GRM8: variants seen among roughly 807,000 people sequenced by gnomAD.
GRM8 encodes glutamate metabotropic receptor 8, also known as metabotropic glutamate receptor 8.
In GRM8, 47 loss-of-function variants were observed where a neutral mutation model predicts 87.2. That is an observed-to-expected ratio of 0.54 (90% CI 0.43 to 0.69). The LOEUF (loss-of-function observed/expected upper bound fraction) is 0.69. Ranked by LOEUF, GRM8 falls within the 30% of genes least tolerant of loss-of-function variation. The probability of loss-of-function intolerance (pLI) is 0.00; values close to 1 mark genes in which losing one functional copy is unlikely to be tolerated. For missense variants in GRM8, 1,019 were observed against 1,139.2 expected (o/e 0.89, Z 1.52); for synonymous variants, 396 against 404.5 (o/e 0.98, Z 0.25).
intron 8 of GRM8, among the ~76,000 whole-genome samples, chr7:126,590,986 T>C (rs1796617487): frequency 6.6e-6 from 1 of 151,816 alleles, no homozygotes; most frequent in Non-Finnish European, 1.5e-5. Context: ...TAAAAAAAGG[T>C]ATTTAGGCAA....
intron 3 of GRM8, among the ~76,000 whole-genome samples, chr7:127,087,323 T>C (rs138456406): frequency 6.6e-6 from 1 of 152,214 alleles, no homozygotes; most frequent in Non-Finnish European, 1.5e-5. Context: ...AGACTTTTCA[T>C]ATATTTAGAA....
chr7:127,132,806 A>G (rs1011043033), intron 2 of GRM8, among the ~76,000 whole-genome samples: 1 of 152,116 alleles, frequency 6.6e-6, no homozygotes, highest in Non-Finnish European at 1.5e-5. Context: ...CTGTGGCTAG[A>G]GTGGATGAAC....
intron 8 of GRM8, among the ~76,000 whole-genome samples, chr7:126,536,001 C>T (rs1335231691): frequency 1.3e-5 from 2 of 152,188 alleles, no homozygotes; most frequent in Admixed American, 6.5e-5. Flanking sequence ...TTCTGATTTA[C>T]GGAAATGTTG....
At chr7:126,645,012 G>A (rs1379581080) in intron 7 of GRM8, among the ~76,000 whole-genome samples, 1 of 152,212 alleles carries the variant, frequency 6.6e-6, no homozygotes, top group Non-Finnish European at 1.5e-5. Flanking sequence ...GGTGTCCTTG[G>A]TCATTCCCGG....
chr7:127,073,023 TCA>T (rs1390112273), intron 3 of GRM8, among the ~76,000 whole-genome samples: 2 of 151,404 alleles, frequency 1.3e-5, no homozygotes, highest in Admixed American at 6.6e-5. Context: ...GGAAAAACTC[TCA>T]GAGGAGGGGA....
At chr7:126,868,352 C>A (rs1378637033) in intron 6 of GRM8, among the ~76,000 whole-genome samples, 1 of 152,242 alleles carries the variant, frequency 6.6e-6, no homozygotes, top group Non-Finnish European at 1.5e-5. Flanking sequence ...GTGCAGATCA[C>A]AGATCTGAGG....
At chr7:126,872,028 C>A (rs1265873553) in intron 6 of GRM8, among the ~76,000 whole-genome samples, 2 of 152,086 alleles carry the variant, frequency 1.3e-5, no homozygotes, top group African/African-American at 4.8e-5. Context: ...ATTGCCAGCC[C>A]ACACCCAGGG....
intron 6 of GRM8, among the ~76,000 whole-genome samples, chr7:126,883,354 C>T (rs563042704): frequency 5.3e-5 from 8 of 152,144 alleles, no homozygotes; most frequent in East Asian, 1.9e-4. Context: ...ACAAATAAAA[C>T]GACATGCATA....
intron 7 of GRM8, among the ~76,000 whole-genome samples, chr7:126,700,956 C>T (rs925781171): frequency 2.6e-5 from 4 of 152,092 alleles, no homozygotes; most frequent in African/African-American, 9.7e-5. Flanking sequence ...CATATTGCCT[C>T]ATTACTTGAT....
At position 126,894,574 on chromosome 7, in the gene GRM8, C is replaced by T. The variant is rs1801363637; in HGVS notation, c.1156+7968G>A. 3.3e-5 allele frequency among the ~76,000 whole-genome samples: 5 copies of T among 152,078 alleles called. No individual in the cohort carries two copies. The South Asian group carries it at 1.0e-3, about 32-fold the overall frequency. On this transcript the variant is annotated intron_variant, in intron 6 of 10. Transcript: ENST00000339582. ...CGAAATTTTAACTAGAATTGCTTCCCTTCTAAAAATGTTAGTTTCTCAGAC... is the reference window on the plus strand; with the variant it reads ...CGAAATTTTAACTAGAATTGCTTCCTTTCTAAAAATGTTAGTTTCTCAGAC...
At chr7:127,155,064 G>A (rs1563546768) in intron 2 of GRM8, among the ~76,000 whole-genome samples, 2 of 152,112 alleles carry the variant, frequency 1.3e-5, no homozygotes, top group Admixed American at 6.6e-5. Context: ...AACATGAAAC[G>A]TTTTATTGTA....
chr7:127,018,007 T>C (rs1255203010), intron 3 of GRM8, among the ~76,000 whole-genome samples: 1 of 152,082 alleles, frequency 6.6e-6, no homozygotes, highest in African/African-American at 2.4e-5. Flanking sequence ...TGTTAGACAC[T>C]GGGGCAAGGA....
chr7:127,051,095 T>A (rs910459384), intron 3 of GRM8, among the ~76,000 whole-genome samples: 7 of 152,140 alleles, frequency 4.6e-5, no homozygotes, highest in African/African-American at 1.4e-4. Context: ...ATAATGAAAA[T>A]GTATTTGAAT....
chr7:126,913,186 T>G (rs1803501877), intron 3 of GRM8, among the ~76,000 whole-genome samples: 3 of 152,202 alleles, frequency 2.0e-5, no homozygotes, highest in African/African-American at 7.2e-5. Context: ...CTTACAAAGC[T>G]GTGTATAGAA....
chr7:127,212,929 A>C (rs1796310595), intron 2 of GRM8, among the ~76,000 whole-genome samples: 2 of 152,214 alleles, frequency 1.3e-5, no homozygotes, highest in African/African-American at 2.4e-5. Context: ...TTAAATTCTG[A>C]GGTCCTGAAT....
chr7:126,776,388 T>C (rs533325362), intron 6 of GRM8, among the ~76,000 whole-genome samples: 1 of 152,248 alleles, frequency 6.6e-6, no homozygotes, highest in Non-Finnish European at 1.5e-5. Flanking sequence ...TGCTAGGTAG[T>C]AGAAAATTGG....
At chr7:126,984,437 C>T (rs1811848586) in intron 3 of GRM8, among the ~76,000 whole-genome samples, 1 of 152,194 alleles carries the variant, frequency 6.6e-6, no homozygotes, top group Non-Finnish European at 1.5e-5. Context: ...TAGCTGCCAG[C>T]ACAGTCAGAA....
intron 7 of GRM8, among the ~76,000 whole-genome samples, chr7:126,691,037 G>C (rs1808753356): frequency 6.6e-6 from 1 of 152,200 alleles, no homozygotes; most frequent in Non-Finnish European, 1.5e-5. Context: ...GTTTCACCGG[G>C]GAACTGCCCC....
At chr7:126,813,910 A>G (rs1307886808) in intron 6 of GRM8, among the ~76,000 whole-genome samples, 1 of 152,078 alleles carries the variant, frequency 6.6e-6, no homozygotes, top group Non-Finnish European at 1.5e-5. Context: ...CCCTTACTCA[A>G]AAATGACACT....
Sources: gnomAD v4.1 joint callset for allele counts (sites outside exome capture counted in the v4.1 genomes callset) on GRCh38, gnomAD v4.1.1 for gene constraint, MANE v1.5 for transcripts, NCBI Gene and HGNC (gene_info 2026-07-23, HGNC 2026-07-21) for gene names.